ZNF398: variants seen among roughly 807,000 people sequenced by gnomAD.
The protein encoded by ZNF398 is zinc finger protein 398.
Under a neutral mutation model 41.9 loss-of-function variants are expected in ZNF398, and 18 were observed. The ratio of observed to expected loss-of-function variants is 0.43; its 90% CI spans 0.30 to 0.64. The LOEUF (loss-of-function observed/expected upper bound fraction) is 0.64. ZNF398 is among the 30% of genes least tolerant of loss of function. The pLI is 0.14. For missense variants in ZNF398, 669 were observed against 822.8 expected, an observed-to-expected ratio of 0.81 and a Z score of 2.29; for synonymous variants, 260 against 308.8, an observed-to-expected ratio of 0.84 and a Z score of 1.66.
intron 2 of ZNF398, among the ~76,000 whole-genome samples, chr7:149,163,621 C>T (rs913336464): frequency 2.0e-5 from 3 of 152,028 alleles, no homozygotes; most frequent in East Asian, 1.9e-4. Context: ...TGAGCCACCG[C>T]GCCCGGCCAA....
At chr7:149,155,683 TTATATATATA>T (rs757578727) in intron 2 of ZNF398, among the ~76,000 whole-genome samples, 56 of 110,822 alleles carry the variant, frequency 5.1e-4, no homozygotes, top group African/African-American at 1.6e-3. Context: ...TTATATTTGG[TTATATATATA>T]TATATATATA....
intron 5 of ZNF398, among the ~76,000 whole-genome samples, chr7:149,177,384 G>A (rs931733518): frequency 6.6e-6 from 1 of 151,990 alleles, no homozygotes; most frequent in Non-Finnish European, 1.5e-5. Context: ...TGGATCACTC[G>A]AGCCCAGGAG....
intron 4 of ZNF398, among the ~76,000 whole-genome samples, chr7:149,171,249 TTTA>T: frequency 6.6e-6 from 1 of 151,928 alleles, no homozygotes; most frequent in Middle Eastern, 3.4e-3. Flanking sequence ...GTAATATACT[TTTA>T]TTATTTTATA....
At chr7:149,128,191 T>C (rs1052336129) in intron 1 of ZNF398, among the ~76,000 whole-genome samples, 21 of 152,100 alleles carry the variant, frequency 1.4e-4, no homozygotes, top group African/African-American at 4.8e-4. Flanking sequence ...TTTTACACGT[T>C]TTGGGAAGAC....
Position 149,147,630 on chromosome 7 carries a change from G to A in ZNF398, c.-113G>A, listed in dbSNP as rs1159192140. The A allele has an allele frequency of 2.6e-6, 3 of 1,148,124 alleles. No homozygotes were observed. In the South Asian group the frequency reaches 1.2e-4, roughly 47 times the overall value. 71.1% of individuals were successfully genotyped at this position (1,148,124 alleles called of 1,614,324 possible). A position where few individuals can be genotyped will look rare whatever the true frequency, so the allele number is the denominator to read the frequency against. Reference sequence around the variant, plus strand: ...GTCCGTGCGGGGAAGGCAGGGCCGGGTCGGCGCCGCCTGTGGAGAGGACCC... The same window carrying A: ...GTCCGTGCGGGGAAGGCAGGGCCGGATCGGCGCCGCCTGTGGAGAGGACCC... On this transcript the variant is annotated 5_prime_UTR_variant, in exon 1 of 6. Coordinates refer to ENST00000475153, the MANE Select transcript of ZNF398 (RefSeq NM_170686.3). This position sits in a 1 kb window ranked among gnomAD's most constrained non-coding sequence, Gnocchi z 5.6.
chr7:149,126,447 C>T lies in ZNF398; in HGVS notation c.-820C>T, dbSNP rs1341142998. 4.5e-6 allele frequency: 3 copies of T among 668,828 alleles called. No homozygotes were observed. The African/African-American group carries it at 5.8e-5, about 13-fold the overall frequency. The allele number at this position is 668,828 out of a possible 1,614,324, so 41.4% of individuals were successfully genotyped here. A position where few individuals can be genotyped will look rare whatever the true frequency, so the allele number is the denominator to read the frequency against. ...CTCAGAGGAGGGGCCCGGGCACCCT[C>T]CGTGCGGGCCGCAGCACGCCGGTCT... On this transcript the variant is annotated 5_prime_UTR_variant, in exon 1 of 7. Coordinates refer to the ZNF398 transcript ENST00000426851.
rs540755249 is a variant in ZNF398 at position 149,133,821 on chromosome 7, G to A, written c.-490+4877G>A. The stretch of plus-strand genomic sequence containing the variant: ...AGCTGGAGTACAATGGTATGATCTC[G>A]GCTCACCGCAACCTCTGCCTCCTGC... On this transcript the variant is annotated intron_variant, in intron 2 of 6. Coordinates refer to the ZNF398 transcript ENST00000426851. Among the ~76,000 whole-genome samples, 50 of 147,962 alleles carry A rather than the reference G, an allele frequency of 3.4e-4. 1 individual carries two copies. In the South Asian group the frequency reaches 5.1e-3, roughly 15 times the overall value.
rs773360523 is a variant in ZNF398 at position 149,169,067 on chromosome 7, A to T, written c.661+2137A>T. On this transcript the variant is annotated intron_variant, in intron 4 of 5. Transcript: ENST00000475153. ...CATAGACCTCAGCAAGTACAAATGAATATATCATTGTATTTTATGGGATGG... is the reference window on the plus strand; with the variant it reads ...CATAGACCTCAGCAAGTACAAATGATTATATCATTGTATTTTATGGGATGG... Among the ~76,000 whole-genome samples, 43 of 152,320 alleles carry T rather than the reference A, an allele frequency of 2.8e-4. 1 individual carries two copies. The Middle Eastern group carries it at 0.01, about 36-fold the overall frequency.
chr7:149,155,352 A>G (rs12666339), intron 2 of ZNF398, among the ~76,000 whole-genome samples: 88,529 of 151,268 alleles, frequency 0.59, 27,467 homozygotes, highest in East Asian at 0.9. Flanking sequence ...CCCGGGAGAC[A>G]GAGGTTGCAG....
intron 2 of ZNF398, among the ~76,000 whole-genome samples, chr7:149,136,590 T>A (rs761992132): frequency 2.6e-5 from 4 of 152,114 alleles, no homozygotes; most frequent in Non-Finnish European, 5.9e-5. Context: ...TTTTTTGAGA[T>A]GGAGTCTTAC....
At chr7:149,165,210 A>G (rs1336378935) in intron 2 of ZNF398, among the ~76,000 whole-genome samples, 1 of 152,216 alleles carries the variant, frequency 6.6e-6, no homozygotes, top group East Asian at 1.9e-4. Flanking sequence ...GCAGAGTTCG[A>G]ACCGAATGCT....
intron 2 of ZNF398, among the ~76,000 whole-genome samples, chr7:149,139,463 C>A (rs538912819): frequency 1.3e-5 from 2 of 152,214 alleles, no homozygotes; most frequent in Admixed American, 1.3e-4. Context: ...TGGCTCACAC[C>A]TGTAATCCCA....
chr7:149,155,734 T>TATTATTA (rs1344536970), intron 2 of ZNF398, among the ~76,000 whole-genome samples: 142 of 110,458 alleles, frequency 1.3e-3, no homozygotes, highest in East Asian at 2.8e-3. Context: ...TTTTTTAATT[T>TATTATTA]TTTTTTTTTT....
At chr7:149,155,779 T>C (rs1181725767) in intron 2 of ZNF398, among the ~76,000 whole-genome samples, 1 of 144,754 alleles carries the variant, frequency 6.9e-6, no homozygotes, top group Admixed American at 7.2e-5. Flanking sequence ...CAGGCTGGAG[T>C]GCAGTGGCGC....
chr7:149,144,180 G>T (rs1826885148), upstream of ZNF398, among the ~76,000 whole-genome samples: 1 of 152,202 alleles, frequency 6.6e-6, no homozygotes, highest in African/African-American at 2.4e-5. Flanking sequence ...TATTAAAGCA[G>T]AGAGGTAGCC....
intron 2 of ZNF398, among the ~76,000 whole-genome samples, chr7:149,155,735 T>A (rs1365520761): frequency 6.3e-5 from 7 of 111,218 alleles, no homozygotes; most frequent in Middle Eastern, 4.5e-3. Context: ...TTTTTAATTT[T>A]TTTTTTTTTG....
upstream of ZNF398, among the ~76,000 whole-genome samples, chr7:149,146,086 C>T (rs1333316782): frequency 1.3e-5 from 2 of 151,776 alleles, no homozygotes; most frequent in East Asian, 3.9e-4. Flanking sequence ...GCTGGAATAT[C>T]AGGTGCACGA....
chr7:149,179,219 T>C lies in ZNF398; in HGVS notation c.1347T>C (p.His449=). 6.2e-7 allele frequency: 1 copy of C among 1,613,492 alleles called. No homozygotes were observed. Among genetic ancestry groups the C allele is most frequent in the Non-Finnish European group, 8.5e-7 (1 of 1,179,996 alleles). The change falls in exon 6 of 6, where the codon CAT becomes CAC. Residue 449 remains histidine, a synonymous_variant. Coordinates refer to ENST00000475153, the MANE Select transcript of ZNF398 (RefSeq NM_170686.3). The surrounding 1 kb of genome is among the most constrained non-coding windows in gnomAD (Gnocchi z 6.1). ...QARLTSHRRA[H]ASERPFRCAQ... ...GACTCACCAGCCACCGGAGAGCTCA[T>C]GCAAGCGAAAGGCCCTTCCGCTGTG...
In ZNF398 at chr7:149,178,840, A is replaced by G; in HGVS notation, c.968A>G (p.Gln323Arg). The change falls in exon 6 of 6, where the codon CAA (glutamine) becomes CGA (arginine). Residue 323 changes from glutamine (Q) to arginine (R), a missense_variant. Around this residue, in one of 3 missense-constraint regions of ZNF398, gnomAD observed 290 missense variants for 292.9 expected, o/e 0.99. Transcript: ENST00000475153. The part of the protein sequence containing the change: ...ATDLPEASEG[Q>R]VTFTQLGSYP... ...GACCTGCCTGAAGCCTCTGAGGGACAAGTGACTTTTACTCAGTTGGGTAGC... is the reference window on the plus strand; with the variant it reads ...GACCTGCCTGAAGCCTCTGAGGGACGAGTGACTTTTACTCAGTTGGGTAGC... The G allele has an allele frequency of 6.2e-7, 1 of 1,614,168 alleles. No individual in the cohort carries two copies. Among genetic ancestry groups the G allele is most frequent in the Non-Finnish European group, 8.5e-7 (1 of 1,180,024 alleles).
Sources: gnomAD v4.1 joint callset for allele counts (sites outside exome capture counted in the v4.1 genomes callset) on GRCh38, gnomAD v4.1.1 for gene constraint, gnomAD v4.1.1 regional missense constraint, Gnocchi (gnomAD v3.1) non-coding constraint, MANE v1.5 for transcripts, NCBI Gene and HGNC (gene_info 2026-07-23, HGNC 2026-07-21) for gene names.